Variants in CSMD3 observed in about 807,000 individuals in gnomAD.
CSMD3 encodes the protein CUB and sushi domain-containing protein 3.
A neutral mutation model predicts 435.2 loss-of-function variants in CSMD3; 177 were observed. The ratio of observed to expected loss-of-function variants is 0.41; its 90% confidence interval spans 0.36 to 0.46. The LOEUF (loss-of-function observed/expected upper bound fraction) is 0.46. CSMD3 is among the 20% of genes least tolerant of loss of function. CSMD3 has a pLI of 0.34. For synonymous variants in CSMD3, 1,656 were observed against 1,520.5 expected (o/e 1.09, Z -2.07); for missense variants, 4,265 against 4,504.6 (o/e 0.95, Z 1.52).
chr8:112,921,777 TATG>T (rs1564107192), intron 9 of CSMD3, 26 bp from the exon 10 acceptor site: 2 of 1,574,982 alleles, frequency 1.3e-6, no homozygotes, highest in South Asian at 1.1e-5. Context: ...AGAGAAAAAA[TATG>T]ATAAGAAAGA....
At chr8:112,272,133 C>T (rs1362972175) in intron 59 of CSMD3, among the ~76,000 whole-genome samples, 28 of 152,144 alleles carry the variant, frequency 1.8e-4, no homozygotes, top group Non-Finnish European at 3.4e-4. Context: ...CTGCTAGCAC[C>T]TTGATCTTGG....
intron 4 of CSMD3, among the ~76,000 whole-genome samples, chr8:113,146,298 A>G (rs2091671549): frequency 6.6e-6 from 1 of 151,396 alleles, no homozygotes; most frequent in South Asian, 2.1e-4. Flanking sequence ...GTAGGAAGTG[A>G]CACTTTAATA....
intron 1 of CSMD3, among the ~76,000 whole-genome samples, chr8:113,405,820 T>C (rs934632762): frequency 1.3e-5 from 2 of 151,836 alleles, no homozygotes; most frequent in Non-Finnish European, 3.0e-5. Context: ...ATCTAGGGTA[T>C]ATAGTATAAT....
chr8:112,912,103 T>TA (rs2082437298), intron 10 of CSMD3, among the ~76,000 whole-genome samples: 1 of 149,298 alleles, frequency 6.7e-6, no homozygotes, highest in Non-Finnish European at 1.5e-5. Context: ...ATATATAACA[T>TA]AACATATATC....
At chr8:112,950,222 C>T (rs113136832) in intron 8 of CSMD3, among the ~76,000 whole-genome samples, 10 of 151,948 alleles carry the variant, frequency 6.6e-5, no homozygotes, top group African/African-American at 1.7e-4. Context: ...GACAATACCA[C>T]CTTATATTTG....
At chr8:112,855,809 C>CTTTTTTTTTTTTTTTTTT (rs34885472) in intron 11 of CSMD3, among the ~76,000 whole-genome samples, 5 of 135,572 alleles carry the variant, frequency 3.7e-5, no homozygotes, top group Non-Finnish European at 1.6e-5. Context: ...CTTAGCGAAG[C>CTTTTTTTTTTTTTTTTTT]TTTTTTTTTT....
At chr8:112,724,960 G>T (rs1450368946) in intron 13 of CSMD3, among the ~76,000 whole-genome samples, 1 of 152,044 alleles carries the variant, frequency 6.6e-6, no homozygotes, top group Non-Finnish European at 1.5e-5. Flanking sequence ...GCAATGTAGA[G>T]AACATTTTTG....
At chr8:112,237,465 ATG>A (rs1201930793) in intron 66 of CSMD3, 117 bp from the exon 67 acceptor site, 27 of 760,896 alleles carry the variant, frequency 3.5e-5, no homozygotes, top group African/African-American at 2.5e-4. Context: ...ATAATGTTGA[ATG>A]TGTGTTACAA....
chr8:112,476,404 C>A (rs1313599257), intron 31 of CSMD3, among the ~76,000 whole-genome samples: 1 of 152,082 alleles, frequency 6.6e-6, no homozygotes, highest in African/African-American at 2.4e-5. Context: ...AGACATGGTT[C>A]TATCATTAAG....
intron 9 of CSMD3, among the ~76,000 whole-genome samples, chr8:112,934,270 A>G (rs117252221): frequency 5.3e-5 from 8 of 152,294 alleles, no homozygotes; most frequent in Non-Finnish European, 1.0e-4. Context: ...ATAAAATTCA[A>G]AATAACAGTA....
At chr8:113,376,703 T>C in intron 1 of CSMD3, 1 of 1,613,238 alleles carries the variant, frequency 6.2e-7, no homozygotes, top group Non-Finnish European at 8.5e-7. Context: ...GACCGAAAGG[T>C]TCGGCGCAAG....
intron 9 of CSMD3, among the ~76,000 whole-genome samples, chr8:112,945,955 A>G (rs747608426): frequency 1.8e-4 from 28 of 151,798 alleles, no homozygotes; most frequent in Admixed American, 7.2e-4. Context: ...ACCTTGAGAC[A>G]TGTTTATTCT....
At chr8:112,755,043 G>C (rs1400595535) in intron 13 of CSMD3, among the ~76,000 whole-genome samples, 2 of 152,060 alleles carry the variant, frequency 1.3e-5, no homozygotes, top group East Asian at 1.9e-4. Flanking sequence ...ATTAAATAAT[G>C]AGGGCGGGCC....
At chr8:112,517,722 C>T (rs1437888756) in intron 27 of CSMD3, among the ~76,000 whole-genome samples, 2 of 152,140 alleles carry the variant, frequency 1.3e-5, no homozygotes, top group African/African-American at 4.8e-5. Context: ...CTACTACATA[C>T]ATTTCAAATT....
At chr8:113,270,289 TCATTAAAAAGTC>T (rs1199160623) in intron 3 of CSMD3, among the ~76,000 whole-genome samples, 1 of 73,924 alleles carries the variant, frequency 1.4e-5, no homozygotes, top group African/African-American at 8.1e-5. Flanking sequence ...AGAATGGCGA[TCATTAAAAAGTC>T]GATCATTAAA....
intron 20 of CSMD3, chr8:112,643,675 G>A (rs1052413916): frequency 6.1e-6 from 1 of 163,320 alleles, no homozygotes; most frequent in Admixed American, 6.6e-5. Context: ...GGGACACTTT[G>A]GTTAACTTCC....
intron 13 of CSMD3, among the ~76,000 whole-genome samples, chr8:112,793,358 C>G (rs1360296530): frequency 6.6e-6 from 1 of 151,382 alleles, no homozygotes; most frequent in African/African-American, 2.4e-5. Flanking sequence ...TTAATTAACT[C>G]ACATATAACT....
chr8:112,421,282 C>T (rs1400764532), intron 32 of CSMD3, among the ~76,000 whole-genome samples: 1 of 151,902 alleles, frequency 6.6e-6, no homozygotes, highest in Non-Finnish European at 1.5e-5. Flanking sequence ...GTGATTCACA[C>T]CTGTAATCCC....
At chr8:113,028,176 T>G (rs1035612509) in intron 5 of CSMD3, among the ~76,000 whole-genome samples, 9 of 152,128 alleles carry the variant, frequency 5.9e-5, no homozygotes, top group Admixed American at 5.9e-4. Flanking sequence ...TCATTATTAT[T>G]TCTGTTATGG....
Sources: gnomAD v4.1 joint callset for allele counts (sites outside exome capture counted in the v4.1 genomes callset) on GRCh38, gnomAD v4.1.1 for gene constraint, MANE v1.5 for transcripts, NCBI Gene and HGNC (gene_info 2026-07-23, HGNC 2026-07-21) for gene names.